Variants in PLCB4 observed in about 807,000 individuals in gnomAD.
PLCB4 encodes 1-phosphatidylinositol 4,5-bisphosphate phosphodiesterase beta-4.
Under a neutral mutation model 178.8 loss-of-function variants are expected in PLCB4, and 77 were observed. The observed-to-expected ratio is 0.43, with a 90% CI of 0.36 to 0.52. PLCB4 has a LOEUF of 0.52. Among genes scored for constraint, PLCB4 ranks in the 20% least tolerant of loss-of-function variants. The probability of loss-of-function intolerance (pLI) is 0.00; values close to 1 mark genes in which losing one functional copy is unlikely to be tolerated. For missense variants in PLCB4, 1,024 were observed against 1,453.4 expected (o/e 0.70, Z 4.80); for synonymous variants, 496 against 490.8 (o/e 1.01, Z -0.14).
intron 13 of PLCB4, 101 bp from the exon 14 acceptor site, chr20:9,384,100 T>C: frequency 1.1e-6 from 1 of 872,876 alleles, no homozygotes; most frequent in Admixed American, 1.9e-5. Context: ...GTGAAGACGT[T>C]TTTACTCTTA....
chr20:9,168,085 A>C (rs2093002231), intron 2 of PLCB4, among the ~76,000 whole-genome samples: 1 of 152,344 alleles, frequency 6.6e-6, no homozygotes, highest in African/African-American at 2.4e-5. Context: ...TTGGAAAAAA[A>C]CCACTTTATG....
chr20:9,329,767 G>A (rs542743822), intron 4 of PLCB4, among the ~76,000 whole-genome samples: 1 of 152,280 alleles, frequency 6.6e-6, no homozygotes, highest in South Asian at 2.1e-4. Context: ...CTACAGCCGT[G>A]CCCTCTGGCT....
intron 38 of PLCB4, 42 bp from the exon 39 acceptor site, chr20:9,476,671 TTGTA>T: frequency 7.5e-7 from 1 of 1,330,962 alleles, no homozygotes; most frequent in South Asian, 1.2e-5. Flanking sequence ...TTTCTTCGTT[TTGTA>T]TGTATGACTC....
intron 28 of PLCB4, among the ~76,000 whole-genome samples, chr20:9,427,721 TTTTCAC>T (rs2041123193): frequency 6.6e-6 from 1 of 152,306 alleles, no homozygotes; most frequent in African/African-American, 2.4e-5. Flanking sequence ...CAGTATTTCT[TTTTCAC>T]CCACTGTTGC....
intron 2 of PLCB4, among the ~76,000 whole-genome samples, chr20:9,135,992 A>G (rs1193526693): frequency 2.0e-5 from 3 of 152,166 alleles, no homozygotes; most frequent in Non-Finnish European, 2.9e-5. Context: ...GAATTATTTG[A>G]TGAAGTTTAC....
At chr20:9,127,825 C>T (rs1321301638) in intron 2 of PLCB4, among the ~76,000 whole-genome samples, 1 of 152,102 alleles carries the variant, frequency 6.6e-6, no homozygotes, top group East Asian at 1.9e-4. Flanking sequence ...GCTGGGATTA[C>T]AGGTGCCTGC....
rs1298212294 is a variant in PLCB4 at position 9,419,715 on chromosome 20, A to G, written c.2052-92A>G. On this transcript the variant is annotated intron_variant, in intron 25 of 39. Coordinates refer to ENST00000378473, the MANE Select transcript of PLCB4 (RefSeq NM_001377142.1). Reference sequence around the variant, plus strand: ...TAAAATCCTAGCTCCTGTGTTACAGATGGAGAAAAGGAAGCATCCATTGTT... The same window carrying G: ...TAAAATCCTAGCTCCTGTGTTACAGGTGGAGAAAAGGAAGCATCCATTGTT... 3 of 833,102 alleles carry G rather than the reference A, an allele frequency of 3.6e-6. No individual in the cohort carries two copies. In the Admixed American group the frequency reaches 5.2e-5, roughly 14 times the overall value. 51.6% of individuals were successfully genotyped at this position (833,102 alleles called of 1,614,324 possible).
At chr20:9,147,496 G>T (rs911867748) in intron 2 of PLCB4, among the ~76,000 whole-genome samples, 5 of 152,098 alleles carry the variant, frequency 3.3e-5, no homozygotes, top group African/African-American at 1.2e-4. Flanking sequence ...GATTTCAGCT[G>T]ATCTCATTCA....
intron 2 of PLCB4, among the ~76,000 whole-genome samples, chr20:9,125,467 A>G (rs2092088062): frequency 6.6e-6 from 1 of 152,156 alleles, no homozygotes; most frequent in Non-Finnish European, 1.5e-5. Flanking sequence ...CCTAAAGTAG[A>G]GAATAAAATA....
intron 1 of PLCB4, among the ~76,000 whole-genome samples, chr20:9,094,388 A>AT (rs1345239096): frequency 6.6e-6 from 1 of 152,068 alleles, no homozygotes; most frequent in Non-Finnish European, 1.5e-5. Context: ...GTGATATTTG[A>AT]TTTTTAAAAT....
In PLCB4 at chr20:9,203,243, G is replaced by A. The variant is rs931100110; in HGVS notation, c.-78-14147G>A. 4.0e-5 allele frequency among the ~76,000 whole-genome samples: 6 copies of A among 151,800 alleles called. No individual in the cohort carries two copies. In the East Asian group the frequency reaches 1.2e-3, roughly 29 times the overall value. On this transcript the variant is annotated intron_variant, in intron 2 of 39. Coordinates refer to ENST00000378473, the MANE Select transcript of PLCB4 (RefSeq NM_001377142.1). ...TGTGACTAATGTAAAGGTCCTTGAG[G>A]TCATGAATCTCTTGTAAAACCAGCC...
intron 34 of PLCB4, among the ~76,000 whole-genome samples, chr20:9,459,351 A>AAAACAAAC (rs11472100): frequency 6.6e-6 from 1 of 151,972 alleles, no homozygotes; most frequent in Non-Finnish European, 1.5e-5. Context: ...CTAAAAAAAC[A>AAAACAAAC]AAACAAACAA....
intron 28 of PLCB4, among the ~76,000 whole-genome samples, chr20:9,424,235 GTATATT>G: frequency 6.6e-6 from 1 of 152,000 alleles, no homozygotes; most frequent in East Asian, 1.9e-4. Context: ...TTTGTGAAGG[GTATATT>G]TATATTGACA....
intron 7 of PLCB4, among the ~76,000 whole-genome samples, chr20:9,351,868 C>T (rs2148163060): frequency 6.6e-6 from 1 of 152,274 alleles, no homozygotes; most frequent in Admixed American, 6.5e-5. Context: ...CCAACATTGT[C>T]AACAGGTACC....
At chr20:9,127,059 C>T (rs1490577343) in intron 2 of PLCB4, among the ~76,000 whole-genome samples, 3 of 152,080 alleles carry the variant, frequency 2.0e-5, no homozygotes, top group African/African-American at 7.2e-5. Context: ...GAATTACTTT[C>T]CACAAAAGAG....
intron 2 of PLCB4, among the ~76,000 whole-genome samples, chr20:9,213,784 T>C (rs2093699252): frequency 6.6e-6 from 1 of 152,204 alleles, no homozygotes; most frequent in African/African-American, 2.4e-5. Flanking sequence ...CCACCAGCAG[T>C]GTATGAAGTT....
At chr20:9,261,116 A>G (rs139882212) in intron 3 of PLCB4, among the ~76,000 whole-genome samples, 143 of 152,262 alleles carry the variant, frequency 9.4e-4, no homozygotes, top group African/African-American at 3.2e-3. Context: ...TTCATTTTCT[A>G]ACACAGTGTA....
chr20:9,250,105 A>G (rs1271656164), intron 3 of PLCB4, among the ~76,000 whole-genome samples: 2 of 152,220 alleles, frequency 1.3e-5, no homozygotes, highest in African/African-American at 4.8e-5. Flanking sequence ...GTTATGATCC[A>G]CTTAAGAGTT....
intron 15 of PLCB4, among the ~76,000 whole-genome samples, chr20:9,388,741 A>C (rs1381663851): frequency 3.9e-5 from 6 of 152,188 alleles, no homozygotes; most frequent in Non-Finnish European, 8.8e-5. Flanking sequence ...ACACACGCAG[A>C]TGTCTAGATG....
Sources: gnomAD v4.1 joint callset for allele counts (sites outside exome capture counted in the v4.1 genomes callset) on GRCh38, gnomAD v4.1.1 for gene constraint, MANE v1.5 for transcripts, NCBI Gene and HGNC (gene_info 2026-07-23, HGNC 2026-07-21) for gene names.